The following GLYCTK variants were observed in gnomAD, a reference collection of about 807,000 sequenced individuals.
GLYCTK encodes the protein glycerate kinase, also known as HBeAg binding protein 4.
GLYCTK carries 22 observed loss-of-function variants against 24.8 expected under a neutral mutation model. The observed-to-expected ratio is 0.89, with a 90% confidence interval of 0.63 to 1.27. The LOEUF is 1.27. Among genes scored for constraint, GLYCTK ranks in the 50% most tolerant of loss-of-function variants. The probability of loss-of-function intolerance (pLI) is 0.00; values close to 1 mark genes in which losing one functional copy is unlikely to be tolerated. For missense variants in GLYCTK, 684 were observed against 686.7 expected (o/e 1.00, Z 0.04); for synonymous variants, 320 against 297.2 (o/e 1.08, Z -0.79).
chr3:52,292,375 A>G lies in GLYCTK; in HGVS notation c.821A>G (p.Tyr274Cys), dbSNP rs1412679010. The G allele has an allele frequency of 3.7e-6, 6 of 1,613,916 alleles. No individual in the cohort carries two copies. In the Admixed American group the frequency reaches 6.7e-5, roughly 18 times the overall value. ...GATTGCCTGCATATCCTCAATCGCTACGGCCTCCGTGCAGCCCTGCCACGT... is the reference window on the plus strand; with the variant it reads ...GATTGCCTGCATATCCTCAATCGCTGCGGCCTCCGTGCAGCCCTGCCACGT... ...VQDCLHILNRYGLRAALPRSV... is the reference protein window; with the variant it reads ...VQDCLHILNRCGLRAALPRSV... The change falls in exon 5 of 5, where the codon TAC becomes TGC. Residue 274 changes from tyrosine (Y) to cysteine (C), a missense_variant. Physicochemically the swap from Tyr to Cys is radical, Grantham distance 194. Coordinates refer to ENST00000436784, the MANE Select transcript of GLYCTK (RefSeq NM_145262.4).
At chr3:52,290,850 C>A in intron 2 of GLYCTK, 110 bp from the exon 3 acceptor site, 1 of 1,580,810 alleles carries the variant, frequency 6.3e-7, no homozygotes, top group Non-Finnish European at 8.7e-7. Context: ...CCCCAGGATG[C>A]ATGTCAGTGG....
At chr3:52,290,126 C>A in intron 1 of GLYCTK, 178 bp from the exon 2 acceptor site, 1 of 602,348 alleles carries the variant, frequency 1.7e-6, no homozygotes, top group Non-Finnish European at 2.9e-6. Flanking sequence ...GGCTGGTCTC[C>A]AAGGACGAGT....
At position 52,293,409 on chromosome 3, in the gene GLYCTK, G is replaced by A. The variant is rs574808932; in HGVS notation, c.*283G>A. ...TTCTCCCTTGGGCAGCCTCTCTCTT[G>A]AGCCCCTCACCCTGTTTCTTTCTGT... On this transcript the variant is annotated 3_prime_UTR_variant, in exon 5 of 5. Coordinates refer to ENST00000436784, the MANE Select transcript of GLYCTK (RefSeq NM_145262.4). 1.5e-6 allele frequency: 1 copy of A among 657,756 alleles called. No homozygotes were observed. The highest frequency in any genetic ancestry group is 2.1e-5 in the Admixed American group (1 of 48,614). 40.7% of individuals were successfully genotyped at this position (657,756 alleles called of 1,614,324 possible).
intron 1 of GLYCTK, among the ~76,000 whole-genome samples, chr3:52,288,254 C>A (rs956938465): frequency 6.6e-6 from 1 of 152,144 alleles, no homozygotes; most frequent in African/African-American, 2.4e-5. Flanking sequence ...ACTCTGTCAC[C>A]CAGGCTGGAG....
intron 2 of GLYCTK, 91 bp downstream of exon 2, chr3:52,290,810 C>T (rs1700442050): frequency 2.7e-5 from 42 of 1,582,080 alleles, no homozygotes; most frequent in African/African-American, 4.0e-5. Context: ...CCTCCCCACC[C>T]GCTTCCCATT....
In GLYCTK at chr3:52,293,150, T is replaced by C; in HGVS notation, c.*24T>C. The C allele has an allele frequency of 1.2e-6, 2 of 1,612,252 alleles. No individual in the cohort carries two copies. Among genetic ancestry groups the C allele is most frequent in the Non-Finnish European group, 1.7e-6 (2 of 1,179,958 alleles). On this transcript the variant is annotated 3_prime_UTR_variant, in exon 5 of 5. Coordinates refer to ENST00000436784, the MANE Select transcript of GLYCTK (RefSeq NM_145262.4). ...GATGGCATAGGTCACATTTTGGGAG[T>C]TCAGAGGAGGCCTACAAGGGCAAGG...
At chr3:52,292,039 T>C in intron 4 of GLYCTK, 117 bp downstream of exon 4, 1 of 1,176,372 alleles carries the variant, frequency 8.5e-7, no homozygotes, top group Non-Finnish European at 1.2e-6. Flanking sequence ...TGAAAGACCA[T>C]GGGGCCGGCT....
At chr3:52,288,021 A>C (rs949532032) in intron 1 of GLYCTK, 145 bp downstream of exon 1, 2 of 299,462 alleles carry the variant, frequency 6.7e-6, no homozygotes, top group East Asian at 1.1e-4. Flanking sequence ...GCCCTACCTT[A>C]GGATGACGTC....
Position 52,290,579 on chromosome 3 carries a change from A to G in GLYCTK, c.237A>G (p.Gln79=). ...GGGACCGGAACTTTCAGCTGAGGCAAAACCTCTACCTGGTGGGCTTTGGCA... is the reference window on the plus strand; with the variant it reads ...GGGACCGGAACTTTCAGCTGAGGCAGAACCTCTACCTGGTGGGCTTTGGCA... ...KVRDRNFQLR[Q]NLYLVGFGKA... is the part of the protein sequence containing the mutation. The change falls in exon 2 of 5, where the codon CAA becomes CAG. Residue 79 remains glutamine (Q), a synonymous_variant. Transcript: ENST00000436784. The G allele has an allele frequency of 6.2e-7, 1 of 1,613,892 alleles. No homozygotes were observed. Among genetic ancestry groups the G allele is most frequent in the Non-Finnish European group, 8.5e-7 (1 of 1,180,030 alleles).
At position 52,293,000 on chromosome 3, in the gene GLYCTK, CT is replaced by C. The variant is rs121909447; in HGVS notation, c.1448del (p.Phe483SerfsTer2). ...AAAEGLDIAT[F>X]LAHNDSHTFF... ...CAGCTGAGGGCCTGGACATAGCCAC[CT>C]TCCTAGCCCACAATGACTCACATAC... is the stretch of plus-strand genomic sequence containing the variant. On this transcript the variant is annotated frameshift_variant, in exon 5 of 5. Coordinates refer to ENST00000436784, the MANE Select transcript of GLYCTK (RefSeq NM_145262.4). LOFTEE classifies it high-confidence loss of function. 3 of 1,614,206 alleles carry C rather than the reference CT, an allele frequency of 1.9e-6. No homozygotes were observed. Among genetic ancestry groups the C allele is most frequent in the Non-Finnish European group, 2.5e-6 (3 of 1,180,040 alleles).
At position 52,295,065 on chromosome 3, in the gene GLYCTK, G is replaced by A. The variant is rs182935219; in HGVS notation, c.*1939G>A. On this transcript the variant is annotated 3_prime_UTR_variant, in exon 5 of 5. Transcript: ENST00000436784. ...TCTGTTTGTAGGGGCTGGGAGGCCAGGGCCCGGATTGGACCCCATAGGGCC... is the reference window on the plus strand; with the variant it reads ...TCTGTTTGTAGGGGCTGGGAGGCCAAGGCCCGGATTGGACCCCATAGGGCC... The A allele has an allele frequency of 4.4e-6, 2 of 454,070 alleles. No homozygotes were observed. The highest frequency in any genetic ancestry group is 4.7e-5 in the Admixed American group (2 of 42,574). The allele number at this position is 454,070 out of a possible 1,614,324, so 28.1% of individuals were successfully genotyped here.
Position 52,293,273 on chromosome 3 carries a change from T to A in GLYCTK, c.*147T>A. On this transcript the variant is annotated 3_prime_UTR_variant, in exon 5 of 5. Coordinates refer to ENST00000436784, the MANE Select transcript of GLYCTK (RefSeq NM_145262.4). ...TGTTTGGTTAACTGTCACCTTCCAC[T>A]CAGGGCCTCTGCTCTATATCTATTC... 1.3e-6 allele frequency: 1 copy of A among 793,372 alleles called. No individual in the cohort carries two copies. The highest frequency in any genetic ancestry group is 2.1e-6 in the Non-Finnish European group (1 of 468,152). 49.1% of individuals were successfully genotyped at this position (793,372 alleles called of 1,614,324 possible).
chr3:52,295,229 T>C lies in GLYCTK; in HGVS notation c.*2103T>C. 2.2e-6 allele frequency: 1 copy of C among 445,852 alleles called. No individual in the cohort carries two copies. Among genetic ancestry groups the C allele is most frequent in the Non-Finnish European group, 4.5e-6 (1 of 220,630 alleles). The allele number at this position is 445,852 out of a possible 1,614,324, so 27.6% of individuals were successfully genotyped here. ...TGTTTTGATAGGATTCATTACTTGC[T>C]CCATAAATGTCAATTTTGGATCATT... On this transcript the variant is annotated 3_prime_UTR_variant, in exon 5 of 5. Coordinates refer to ENST00000436784, the MANE Select transcript of GLYCTK (RefSeq NM_145262.4).
Position 52,293,284 on chromosome 3 carries a change from G to C in GLYCTK, c.*158G>C, listed in dbSNP as rs1263923212. 2.6e-6 allele frequency: 2 copies of C among 765,374 alleles called. No individual in the cohort carries two copies. Among genetic ancestry groups the C allele is most frequent in the Non-Finnish European group, 4.5e-6 (2 of 443,132 alleles). The allele number at this position is 765,374 out of a possible 1,614,324, so 47.4% of individuals were successfully genotyped here. A position where few individuals can be genotyped will look rare whatever the true frequency, so the allele number is the denominator to read the frequency against. ...CTGTCACCTTCCACTCAGGGCCTCT[G>C]CTCTATATCTATTCCCTTCCAGCCA... On this transcript the variant is annotated 3_prime_UTR_variant, in exon 5 of 5. Coordinates refer to ENST00000436784, the MANE Select transcript of GLYCTK (RefSeq NM_145262.4).
At position 52,290,494 on chromosome 3, in the gene GLYCTK, C is replaced by T. The variant is rs1364972186; in HGVS notation, c.152C>T (p.Pro51Leu). The change falls in exon 2 of 5, where the codon CCG (proline) becomes CTG (leucine). Residue 51 changes from proline to leucine, a missense_variant. Transcript: ENST00000436784. ...GAGAGTGCTGTAGGTGCAGTGCTGC[C>T]GGGCCCCATGCTGCACCGGGCACTA... ...LFESAVGAVL[P>L]GPMLHRALSL... 6 of 1,613,220 alleles carry T rather than the reference C, an allele frequency of 3.7e-6. No homozygotes were observed. The highest frequency in any genetic ancestry group is 1.7e-5 in the Admixed American group (1 of 59,992).
chr3:52,293,078 A>T lies in GLYCTK; in HGVS notation c.1524A>T (p.Thr508=). Reference sequence around the variant, plus strand: ...CACACCTGCTGCACACAGGGATGACAGGTACCAATGTCATGGACACCCACC... The same window carrying T: ...CACACCTGCTGCACACAGGGATGACTGGTACCAATGTCATGGACACCCACC... ...GGAHLLHTGM[T]GTNVMDTHLL... is the part of the protein sequence containing the mutation. Residue 508 remains threonine, a synonymous_variant, in exon 5 of 5, where the codon ACA becomes ACT. Transcript: ENST00000436784. 1 of 1,614,066 alleles carries T rather than the reference A, an allele frequency of 6.2e-7. No individual in the cohort carries two copies. The highest frequency in any genetic ancestry group is 2.2e-5 in the East Asian group (1 of 44,888).
Position 52,294,437 on chromosome 3 carries a change from G to A in GLYCTK, c.*1311G>A. ...GTTTCCCTTCCCCACCTGGGCTCTG[G>A]GCAGCCTAGCTTGCAGACAGTTCAT... On this transcript the variant is annotated 3_prime_UTR_variant, in exon 5 of 5. Transcript: ENST00000436784. The A allele has an allele frequency of 2.2e-6, 1 of 455,794 alleles. No homozygotes were observed. Among genetic ancestry groups the A allele is most frequent in the South Asian group, 1.6e-5 (1 of 63,524 alleles). 28.2% of individuals were successfully genotyped at this position (455,794 alleles called of 1,614,324 possible).
Position 52,291,791 on chromosome 3 carries a change from C to A in GLYCTK, c.574C>A (p.Leu192Met). ...GCCTGCCCCCATCCCACCTGTCACA[C>A]TGGAGGAGAAGCAGACACTCACTAG... ...LLPAPIPPVT[L>M]EEKQTLTRLL... The change falls in exon 4 of 5, where the codon CTG becomes ATG. Residue 192 changes from leucine to methionine, a missense_variant. Physicochemically the swap from Leu to Met is conservative, Grantham distance 15. Coordinates refer to ENST00000436784, the MANE Select transcript of GLYCTK (RefSeq NM_145262.4). 1 of 1,613,854 alleles carries A rather than the reference C, an allele frequency of 6.2e-7. No individual in the cohort carries two copies. The highest frequency in any genetic ancestry group is 8.5e-7 in the Non-Finnish European group (1 of 1,180,004).
Position 52,291,051 on chromosome 3 carries a change from GC to G in GLYCTK, c.471del (p.Ile158SerfsTer17). ...CCGCGATGCGCTGCGGGCTGCACTG[GC>G]CATCCAGCAACTGGCTGAGGGACTC... ...PDRDALRAALAIQQLAEGLTA... is the reference protein window; with the variant it reads ...PDRDALRAALXIQQLAEGLTA... On this transcript the variant is annotated frameshift_variant, in exon 3 of 5. Coordinates refer to ENST00000436784, the MANE Select transcript of GLYCTK (RefSeq NM_145262.4). LOFTEE classifies it high-confidence loss of function. 6.2e-7 allele frequency: 1 copy of G among 1,613,526 alleles called. No homozygotes were observed. Among genetic ancestry groups the G allele is most frequent in the Non-Finnish European group, 8.5e-7 (1 of 1,180,022 alleles).
Sources: allele counts gnomAD v4.1 joint callset (sites outside exome capture counted in the v4.1 genomes callset), GRCh38; gene constraint gnomAD v4.1.1; transcripts MANE v1.5; gene names NCBI Gene and HGNC (gene_info 2026-07-23, HGNC 2026-07-21).